The following CEP135 variants were observed in gnomAD, a reference collection of about 807,000 sequenced individuals.
The protein encoded by CEP135 is centrosomal protein 135.
In CEP135, 142 loss-of-function variants were observed where a neutral mutation model predicts 157.3. The observed-to-expected ratio is 0.90, with a 90% CI of 0.79 to 1.04. The LOEUF (loss-of-function observed/expected upper bound fraction) is 1.04, where lower values mean the gene tolerates loss of function less well. Ranked by LOEUF, CEP135 falls within the 50% of genes least tolerant of loss-of-function variation. The probability of loss-of-function intolerance (pLI) is 0.00; values close to 1 mark genes in which losing one functional copy is unlikely to be tolerated. For synonymous variants in CEP135, 396 were observed against 439.8 expected, an observed-to-expected ratio of 0.90 and a Z score of 1.25; for missense variants, 1,317 against 1,309.2, an observed-to-expected ratio of 1.01 and a Z score of -0.09.
At chr4:55,958,477 T>C (rs1728573642) in intron 5 of CEP135, among the ~76,000 whole-genome samples, 1 of 152,182 alleles carries the variant, frequency 6.6e-6, no homozygotes, top group Admixed American at 6.5e-5. Context: ...CATAATATTT[T>C]TATATAGTTG....
intron 17 of CEP135, among the ~76,000 whole-genome samples, chr4:56,004,926 ATTTT>A (rs141401678): frequency 4.2e-4 from 53 of 126,598 alleles, no homozygotes; most frequent in South Asian, 1.1e-3. Context: ...TAATGCTGCC[ATTTT>A]TTTTTTTTTT....
At chr4:55,963,055 A>G (rs558329979) in intron 6 of CEP135, among the ~76,000 whole-genome samples, 11 of 152,146 alleles carry the variant, frequency 7.2e-5, no homozygotes, top group African/African-American at 2.4e-4. Context: ...GGTAGCATCA[A>G]TGTTTGCCCA....
Position 55,971,253 on chromosome 4 carries a change from A to G in CEP135, c.1111-17A>G, listed in dbSNP as rs762672940. 4 of 1,537,060 alleles carry G rather than the reference A, an allele frequency of 2.6e-6. No homozygotes were observed. In the East Asian group the frequency reaches 6.8e-5, roughly 26 times the overall value. On this transcript the variant is annotated splice_polypyrimidine_tract_variant and intron_variant, in intron 9 of 25. Coordinates refer to ENST00000257287, the MANE Select transcript of CEP135 (RefSeq NM_025009.5). ...TAAAGTTGTTAGAAATCTTAATTAT[A>G]GTATTAAAATTTGCAGGAATTGAAC...
intron 21 of CEP135, among the ~76,000 whole-genome samples, chr4:56,016,251 C>T (rs914150178): frequency 6.6e-6 from 1 of 152,072 alleles, no homozygotes; most frequent in Non-Finnish European, 1.5e-5. Context: ...CTGCTAACAC[C>T]CACATTTTGG....
At chr4:56,006,597 G>A (rs967640346) in intron 17 of CEP135, among the ~76,000 whole-genome samples, 2 of 152,034 alleles carry the variant, frequency 1.3e-5, no homozygotes, top group East Asian at 1.9e-4. Context: ...CAGCCTGGGC[G>A]ACAGAATGAG....
chr4:55,996,825 C>T (rs897953361), intron 15 of CEP135, among the ~76,000 whole-genome samples: 3 of 151,912 alleles, frequency 2.0e-5, no homozygotes, highest in African/African-American at 4.8e-5. Flanking sequence ...ACAGAGGATC[C>T]TTTAAGATGC....
chr4:56,005,252 A>G (rs1730315237), intron 17 of CEP135, among the ~76,000 whole-genome samples: 1 of 152,116 alleles, frequency 6.6e-6, no homozygotes, highest in Non-Finnish European at 1.5e-5. Flanking sequence ...TAACGTAGTG[A>G]GACCCCATCT....
chr4:55,965,601 A>G (rs780000703), intron 7 of CEP135, 43 bp from the exon 8 acceptor site: 50 of 1,364,584 alleles, frequency 3.7e-5, no homozygotes, highest in Non-Finnish European at 4.9e-5. Flanking sequence ...GTTTAGGATA[A>G]TTTTCCAATT....
At chr4:56,011,192 G>A (rs1345188711) in intron 19 of CEP135, among the ~76,000 whole-genome samples, 7 of 152,282 alleles carry the variant, frequency 4.6e-5, no homozygotes, top group African/African-American at 1.7e-4. Flanking sequence ...CTGTGATCAC[G>A]CCATTGCACT....
chr4:55,985,299 CTT>C lies in CEP135; in HGVS notation c.1802_1803del (p.Phe601TrpfsTer10), dbSNP rs1417722275. The C allele has an allele frequency of 1.9e-6, 3 of 1,585,488 alleles. No individual in the cohort carries two copies. The highest frequency in any genetic ancestry group is 2.2e-5 in the East Asian group (1 of 44,476). Reference sequence around the variant, plus strand: ...TTTTCAGCATATTGAAGAAGTGAGTCTTTTTGGAAAATCAGAATTAGAGAAAA... The same window carrying C: ...TTTTCAGCATATTGAAGAAGTGAGTCTTTGGAAAATCAGAATTAGAGAAAA... ...EKLEHIEEVS[L>X]FGKSELEKTI... is the part of the protein sequence containing the mutation. On this transcript the variant is annotated frameshift_variant, in exon 14 of 26. Transcript: ENST00000257287. LOFTEE classifies it high-confidence loss of function.
rs927941427 is a variant in CEP135 at position 55,950,696 on chromosome 4, A to G, written c.-45-1390A>G. On this transcript the variant is annotated intron_variant, in intron 1 of 25. Coordinates refer to ENST00000257287, the MANE Select transcript of CEP135 (RefSeq NM_025009.5). Reference sequence around the variant, plus strand: ...CTCCATTTTAGGGCAGATTGATAGGAATATATTCATAAATATTTAAAAAGA... The same window carrying G: ...CTCCATTTTAGGGCAGATTGATAGGGATATATTCATAAATATTTAAAAAGA... Among the ~76,000 whole-genome samples, 4 of 152,100 alleles carry G rather than the reference A, an allele frequency of 2.6e-5. 1 individual carries two copies. Among genetic ancestry groups the G allele is most frequent in the Non-Finnish European group, 5.9e-5 (4 of 68,022 alleles).
rs1228959777 is a variant in CEP135 at position 56,033,116 on chromosome 4, G to C, written c.*1768G>C. 6.6e-6 allele frequency: 1 copy of C among 151,830 alleles called. No homozygotes were observed. The highest frequency in any genetic ancestry group is 1.5e-5 in the Non-Finnish European group (1 of 67,944). The allele number at this position is 151,830 out of a possible 1,614,324, so 9.4% of individuals were successfully genotyped here. A position where few individuals can be genotyped will look rare whatever the true frequency, so the allele number is the denominator to read the frequency against. Reference sequence around the variant, plus strand: ...TATGTAAATAAAATAAAAAATATTTGTCTCCACCTTTTCCCCAAAAGCAAC... The same window carrying C: ...TATGTAAATAAAATAAAAAATATTTCTCTCCACCTTTTCCCCAAAAGCAAC... On this transcript the variant is annotated 3_prime_UTR_variant, in exon 26 of 26. Coordinates refer to ENST00000257287, the MANE Select transcript of CEP135 (RefSeq NM_025009.5).
chr4:55,999,684 A>G, intron 17 of CEP135, 39 bp downstream of exon 17: 2 of 1,565,336 alleles, frequency 1.3e-6, no homozygotes, highest in South Asian at 1.2e-5. Flanking sequence ...GCATCCAAAC[A>G]GAACAGTTTT....
At chr4:55,977,976 G>A (rs1311069082) in intron 11 of CEP135, among the ~76,000 whole-genome samples, 1 of 152,194 alleles carries the variant, frequency 6.6e-6, no homozygotes, top group Non-Finnish European at 1.5e-5. Context: ...ATACAGAGAT[G>A]AAGACAGTTC....
At position 55,969,083 on chromosome 4, in the gene CEP135, C is replaced by T. The variant is rs761274579; in HGVS notation, c.1065C>T (p.Leu355=). ...CCTAGAAAGAGATTAAAAGAAAGCT[C>T]TCTGAAATGCAGGATCTTGAAGAAA... is the stretch of plus-strand genomic sequence containing the variant. ...GEAKKEIKRK[L]SEMQDLEETM... is the part of the protein sequence containing the mutation. Residue 355 remains leucine (L), a synonymous_variant, in exon 9 of 26, where the codon CTC becomes CTT. Coordinates refer to ENST00000257287, the MANE Select transcript of CEP135 (RefSeq NM_025009.5). 1 of 1,612,884 alleles carries T rather than the reference C, an allele frequency of 6.2e-7. No homozygotes were observed. Among genetic ancestry groups the T allele is most frequent in the Non-Finnish European group, 8.5e-7 (1 of 1,179,462 alleles).
At chr4:55,965,594 T>C (rs745530836) in intron 7 of CEP135, 50 bp from the exon 8 acceptor site, 1 of 1,230,686 alleles carries the variant, frequency 8.1e-7, no homozygotes, top group South Asian at 1.4e-5. Context: ...AGTCAGTGTT[T>C]AGGATAATTT....
chr4:56,028,582 C>T (rs1731228683), intron 25 of CEP135, among the ~76,000 whole-genome samples: 1 of 151,534 alleles, frequency 6.6e-6, no homozygotes, highest in Admixed American at 6.6e-5. Context: ...AGGGATTTCC[C>T]CAAGCACTCA....
At chr4:56,025,980 G>A (rs557496676) in intron 25 of CEP135, among the ~76,000 whole-genome samples, 321 of 151,916 alleles carry the variant, frequency 2.1e-3, no homozygotes, top group Admixed American at 5.1e-3. Context: ...AGGCCGAGGC[G>A]GGTGGATCAC....
At chr4:55,972,472 G>A (rs1040353465) in intron 10 of CEP135, among the ~76,000 whole-genome samples, 10 of 152,178 alleles carry the variant, frequency 6.6e-5, no homozygotes, top group African/African-American at 2.2e-4. Flanking sequence ...GAAATGGCAC[G>A]TGCAGAAACT....
Sources: allele counts gnomAD v4.1 joint callset (sites outside exome capture counted in the v4.1 genomes callset), GRCh38; gene constraint gnomAD v4.1.1; transcripts MANE v1.5; gene names NCBI Gene and HGNC (gene_info 2026-07-23, HGNC 2026-07-21).